ADGRA2: variants seen among roughly 807,000 people sequenced by gnomAD.
The protein encoded by ADGRA2 is adhesion G protein-coupled receptor A2.
In ADGRA2, 61 loss-of-function variants were observed where a neutral mutation model predicts 98.7. The ratio of observed to expected loss-of-function variants is 0.62; its 90% CI spans 0.50 to 0.76. The LOEUF (loss-of-function observed/expected upper bound fraction) is 0.76, where lower values mean the gene tolerates loss of function less well. Ranked by LOEUF, ADGRA2 falls within the 30% of genes least tolerant of loss-of-function variation. The probability of loss-of-function intolerance (pLI) is 0.00; values close to 1 mark genes in which losing one functional copy is unlikely to be tolerated. For synonymous variants in ADGRA2, 858 were observed against 831.5 expected, an observed-to-expected ratio of 1.03 and a Z score of -0.55; for missense variants, 1,712 against 1,860.0, an observed-to-expected ratio of 0.92 and a Z score of 1.46.
In ADGRA2 at chr8:37,836,097, A is replaced by ACACACACACC. The variant is rs1245868623; in HGVS notation, c.2050+328_2050+329insACACACACCC. Among the ~76,000 whole-genome samples the ACACACACACC allele has an allele frequency of 3.7e-4, 40 of 108,742 alleles. 1 individual carries two copies. Among genetic ancestry groups the ACACACACACC allele is most frequent in the African/African-American group, 1.4e-3 (37 of 27,136 alleles). The allele number at this position is 108,742 out of a possible 152,430, so 71.3% of individuals were successfully genotyped here. On this transcript the variant is annotated intron_variant, in intron 13 of 18. Coordinates refer to ENST00000412232, the MANE Select transcript of ADGRA2 (RefSeq NM_032777.10). ...CACACACACACACACACACACACACACCCCACAGGCCCAATGCAGACAAGT... is the reference window on the plus strand; with the variant it reads ...CACACACACACACACACACACACACACACACACACCCCCCACAGGCCCAATGCAGACAAGT...
At position 37,844,612 on chromosome 8, in the gene ADGRA2, C is replaced by T. The variant is rs778369844; in HGVS notation, c.*2257C>T. On this transcript the variant is annotated 3_prime_UTR_variant, in exon 19 of 19. Coordinates refer to ENST00000412232, the MANE Select transcript of ADGRA2 (RefSeq NM_032777.10). ...TCACTATCAGAAATGTTCTCATCTC[C>T]AGTGACAGTGGAGACAGGGGGTACA... 1.2e-6 allele frequency: 2 copies of T among 1,614,114 alleles called. No individual in the cohort carries two copies. The highest frequency in any genetic ancestry group is 2.2e-5 in the South Asian group (2 of 91,080).
Position 37,841,334 on chromosome 8 carries a change from G to T in ADGRA2, c.2996G>T (p.Arg999Leu). Residue 999 changes from arginine (R) to leucine (L), a missense_variant, in exon 19 of 19, where the codon CGA (arginine) becomes CTA (leucine). Transcript: ENST00000412232. The surrounding 1 kb of genome is among the most constrained non-coding windows in gnomAD (Gnocchi z 5.0). The part of the protein sequence containing the change: ...SGSLLATGSA[R>L]VGTPGPPEDG... ...TCCCTTCTTGCTACTGGGAGCGCGC[G>T]AGTGGGGACGCCCGGGCCCCCGGAG... 1 of 1,606,214 alleles carries T rather than the reference G, an allele frequency of 6.2e-7. No homozygotes were observed.
At chr8:37,798,963 G>A (rs1804420062) in intron 1 of ADGRA2, among the ~76,000 whole-genome samples, 1 of 152,216 alleles carries the variant, frequency 6.6e-6, no homozygotes, top group African/African-American at 2.4e-5. Context: ...CTGACTGTCC[G>A]CTGGGGTTTG....
Position 37,804,116 on chromosome 8 carries a change from C to G in ADGRA2, c.266+6582C>G, listed in dbSNP as rs1311794781. 3.4e-5 allele frequency among the ~76,000 whole-genome samples: 5 copies of G among 146,892 alleles called. No homozygotes were observed. The South Asian group carries it at 8.9e-4, about 26-fold the overall frequency. ...CCACGGTGAGACACACACACACACA[C>G]ACACACACACACACACACACACACA... On this transcript the variant is annotated intron_variant, in intron 1 of 18. Transcript: ENST00000412232.
Position 37,830,684 on chromosome 8 carries a change from C to T in ADGRA2, c.719-26C>T, listed in dbSNP as rs750563365. On this transcript the variant is annotated intron_variant, in intron 6 of 18. Coordinates refer to ENST00000412232, the MANE Select transcript of ADGRA2 (RefSeq NM_032777.10). The surrounding 1 kb of genome is among the most constrained non-coding windows in gnomAD (Gnocchi z 4.8). Reference sequence around the variant, plus strand: ...GCCTCACATGCGTGTGCACTCGGGCCTCACGCCTGGTGTCTCCTCCCACAG... The same window carrying T: ...GCCTCACATGCGTGTGCACTCGGGCTTCACGCCTGGTGTCTCCTCCCACAG... 1 of 1,539,076 alleles carries T rather than the reference C, an allele frequency of 6.5e-7. No individual in the cohort carries two copies. The highest frequency in any genetic ancestry group is 1.2e-5 in the South Asian group (1 of 84,612).
intron 7 of ADGRA2, 107 bp from the exon 8 acceptor site, chr8:37,831,316 T>C: frequency 3.9e-6 from 4 of 1,032,884 alleles, no homozygotes; most frequent in Non-Finnish European, 5.7e-6. Context: ...CCTTGTTTCA[T>C]TAAAGAAAAA....
intron 1 of ADGRA2, among the ~76,000 whole-genome samples, chr8:37,803,863 A>T (rs544946821): frequency 2.0e-5 from 3 of 151,902 alleles, no homozygotes; most frequent in Non-Finnish European, 4.4e-5. Flanking sequence ...GGGGCCAGAC[A>T]TCTCCCAGCT....
In ADGRA2 at chr8:37,833,212, A is replaced by G; in HGVS notation, c.1296+4A>G. ...GGTGCTGTACACCTTCGTGCTGGTG[A>G]GGAGAGGCTAGGGCACCCCACCAGC... On this transcript the variant is annotated splice_donor_region_variant and intron_variant, in intron 9 of 18. Coordinates refer to ENST00000412232, the MANE Select transcript of ADGRA2 (RefSeq NM_032777.10). 1 of 1,603,150 alleles carries G rather than the reference A, an allele frequency of 6.2e-7. No homozygotes were observed.
At chr8:37,840,688 A>G in intron 17 of ADGRA2, 72 bp from the exon 18 acceptor site, 2 of 814,580 alleles carry the variant, frequency 2.5e-6, no homozygotes, top group Admixed American at 3.8e-5. Flanking sequence ...CATCAAGCAA[A>G]GGGCTCTAAG....
chr8:37,844,311 C>T lies in ADGRA2; in HGVS notation c.*1956C>T. The T allele has an allele frequency of 1.4e-6, 1 of 700,714 alleles. No homozygotes were observed. The highest frequency in any genetic ancestry group is 2.4e-6 in the Non-Finnish European group (1 of 416,572). The allele number at this position is 700,714 out of a possible 1,614,324, so 43.4% of individuals were successfully genotyped here. Reference sequence around the variant, plus strand: ...GATGGGAATCTCTCCTACCTATAGTCATCCCTGCACTCCTGACTTTACTCC... The same window carrying T: ...GATGGGAATCTCTCCTACCTATAGTTATCCCTGCACTCCTGACTTTACTCC... On this transcript the variant is annotated 3_prime_UTR_variant, in exon 19 of 19. Transcript: ENST00000412232.
At chr8:37,836,872 A>G (rs999675750) in intron 13 of ADGRA2, among the ~76,000 whole-genome samples, 1 of 149,170 alleles carries the variant, frequency 6.7e-6, no homozygotes, top group Non-Finnish European at 1.5e-5. Context: ...TTCCTAGCAC[A>G]GACTCTTGCT....
Position 37,814,979 on chromosome 8 carries a change from G to C in ADGRA2, c.338+12G>C. On this transcript the variant is annotated intron_variant, in intron 2 of 18. Coordinates refer to ENST00000412232, the MANE Select transcript of ADGRA2 (RefSeq NM_032777.10). The surrounding 1 kb of genome is among the most constrained non-coding windows in gnomAD (Gnocchi z 4.3). ...CTGCTGGAGAAGCTGTAAGTGCTGGGGAAGGTGAGGTGGAGGAGGGGGGTG... is the reference window on the plus strand; with the variant it reads ...CTGCTGGAGAAGCTGTAAGTGCTGGCGAAGGTGAGGTGGAGGAGGGGGGTG... The C allele has an allele frequency of 6.3e-7, 1 of 1,594,774 alleles. No individual in the cohort carries two copies. Among genetic ancestry groups the C allele is most frequent in the Non-Finnish European group, 8.6e-7 (1 of 1,162,370 alleles).
intron 13 of ADGRA2, among the ~76,000 whole-genome samples, 188 bp from the exon 14 acceptor site, chr8:37,837,543 C>T (rs529157299): frequency 6.6e-6 from 1 of 152,382 alleles, no homozygotes; most frequent in East Asian, 1.9e-4. Flanking sequence ...GCACCCACCC[C>T]CTCCAGGGTC....
chr8:37,840,386 G>T lies in ADGRA2; in HGVS notation c.2657+120G>T, dbSNP rs1054966746. ...CCTGGGAGATCACTCTCCAAAGACGGGGGAGGCTAGGCCCTAGACTCAGCA... is the reference window on the plus strand; with the variant it reads ...CCTGGGAGATCACTCTCCAAAGACGTGGGAGGCTAGGCCCTAGACTCAGCA... On this transcript the variant is annotated intron_variant, in intron 17 of 18. Coordinates refer to ENST00000412232, the MANE Select transcript of ADGRA2 (RefSeq NM_032777.10). 162 of 1,092,828 alleles carry T rather than the reference G, an allele frequency of 1.5e-4. 2 individuals are homozygous for T. In the South Asian group the frequency reaches 1.6e-3, roughly 11 times the overall value. The allele number at this position is 1,092,828 out of a possible 1,614,324, so 67.7% of individuals were successfully genotyped here. A position where few individuals can be genotyped will look rare whatever the true frequency, so the allele number is the denominator to read the frequency against.
rs890958879 is a variant in ADGRA2, at chr8:37,829,202, C to G, written c.411-59C>G. ...CCTGGCCCCACCCATGTGTTCCTCA[C>G]AAGTGGACCCACGTGCTGCCACGTG... On this transcript the variant is annotated intron_variant, in intron 3 of 18. Coordinates refer to ENST00000412232, the MANE Select transcript of ADGRA2 (RefSeq NM_032777.10). 4 of 1,311,434 alleles carry G rather than the reference C, an allele frequency of 3.1e-6. No homozygotes were observed. In the African/African-American group the frequency reaches 4.3e-5, roughly 14 times the overall value. The allele number at this position is 1,311,434 out of a possible 1,614,324, so 81.2% of individuals were successfully genotyped here.
intron 3 of ADGRA2, 32 bp from the exon 4 acceptor site, chr8:37,829,229 C>T (rs1488506614): frequency 1.3e-6 from 2 of 1,579,458 alleles, no homozygotes; most frequent in South Asian, 2.2e-5. Context: ...TGCCACGTGG[C>T]CAACATGCTG....
At chr8:37,807,762 C>A (rs945418430) in intron 1 of ADGRA2, among the ~76,000 whole-genome samples, 11 of 152,146 alleles carry the variant, frequency 7.2e-5, no homozygotes, top group African/African-American at 2.2e-4. Context: ...CCTTTAGGAA[C>A]CTAGTGATGG....
Position 37,828,927 on chromosome 8 carries a change from C to T in ADGRA2, c.378C>T (p.Gly126=), listed in dbSNP as rs547261571. The part of the protein sequence containing the change: ...RNNIISTVQP[G]AFLGLGELKR... ...ACATCATCAGCACAGTGCAGCCGGG[C>T]GCCTTCCTGGGCCTGGGGGAGCTGA... Residue 126 remains glycine, a synonymous_variant, in exon 3 of 19, where the codon GGC becomes GGT. Coordinates refer to ENST00000412232, the MANE Select transcript of ADGRA2 (RefSeq NM_032777.10). 2.3e-5 allele frequency: 37 copies of T among 1,590,122 alleles called. No individual in the cohort carries two copies. The Admixed American group carries it at 3.4e-4, about 15-fold the overall frequency.
At position 37,830,980 on chromosome 8, in the gene ADGRA2, A is replaced by C; in HGVS notation, c.932+57A>C. The C allele has an allele frequency of 8.0e-7, 1 of 1,254,002 alleles. No individual in the cohort carries two copies. Among genetic ancestry groups the C allele is most frequent in the Non-Finnish European group, 1.1e-6 (1 of 888,498 alleles). The allele number at this position is 1,254,002 out of a possible 1,614,324, so 77.7% of individuals were successfully genotyped here. A position where few individuals can be genotyped will look rare whatever the true frequency, so the allele number is the denominator to read the frequency against. ...AGCATGGGGTTAGGGGACCTACCCT[A>C]CCCGTCACCACCCCGCAAAAGAGCT... On this transcript the variant is annotated intron_variant, in intron 7 of 18. Transcript: ENST00000412232. The surrounding 1 kb of genome is among the most constrained non-coding windows in gnomAD (Gnocchi z 4.8).
Sources: gnomAD v4.1 joint callset for allele counts (sites outside exome capture counted in the v4.1 genomes callset) on GRCh38, gnomAD v4.1.1 for gene constraint, Gnocchi (gnomAD v3.1) non-coding constraint, MANE v1.5 for transcripts, NCBI Gene and HGNC (gene_info 2026-07-23, HGNC 2026-07-21) for gene names.